The following STK4 variants were observed in gnomAD, a reference collection of about 807,000 sequenced individuals.
STK4 encodes the protein serine/threonine-protein kinase 4.
A neutral mutation model predicts 64.9 loss-of-function variants in STK4; 30 were observed. That is an observed-to-expected ratio of 0.46 (90% CI 0.35 to 0.63). The LOEUF (loss-of-function observed/expected upper bound fraction) is 0.63. STK4 is among the 20% of genes least tolerant of loss of function. STK4 has a pLI of 0.01. For missense variants in STK4, 466 were observed against 598.5 expected, an observed-to-expected ratio of 0.78 and a Z score of 2.31; for synonymous variants, 177 against 199.0, an observed-to-expected ratio of 0.89 and a Z score of 0.93.
At chr20:44,967,219 C>T (rs2067165916) in intron 1 of STK4, 1 of 985,338 alleles carries the variant, frequency 1.0e-6, no homozygotes, top group Non-Finnish European at 1.2e-6. Flanking sequence ...TGTTCAGTGT[C>T]TTCCTAATGG....
intron 5 of STK4, among the ~76,000 whole-genome samples, chr20:44,992,233 G>GT (rs930243790): frequency 4.0e-5 from 6 of 150,320 alleles, no homozygotes; most frequent in Non-Finnish European, 8.9e-5. Flanking sequence ...GTTAATCTAT[G>GT]TTTTTTTTAT....
At chr20:45,073,346 T>C (rs1163875869) in intron 10 of STK4, among the ~76,000 whole-genome samples, 2 of 152,006 alleles carry the variant, frequency 1.3e-5, no homozygotes, top group Non-Finnish European at 2.9e-5. Flanking sequence ...CGTCTTGAAC[T>C]ATTAGGGTTT....
chr20:45,000,681 T>C (rs2067822009), intron 8 of STK4, 161 bp downstream of exon 8: 1 of 1,032,836 alleles, frequency 9.7e-7, no homozygotes, highest in South Asian at 1.6e-5. Context: ...TAGAGGGTTG[T>C]TGTATCTGTG....
intron 10 of STK4, among the ~76,000 whole-genome samples, chr20:45,074,044 T>C (rs1046697948): frequency 6.6e-6 from 1 of 152,206 alleles, no homozygotes; most frequent in African/African-American, 2.4e-5. Flanking sequence ...CTAAAACCTG[T>C]GCTTTGCTAG....
At chr20:45,004,104 CT>C (rs1324016104) in intron 9 of STK4, among the ~76,000 whole-genome samples, 3 of 145,914 alleles carry the variant, frequency 2.1e-5, no homozygotes, top group African/African-American at 5.1e-5. Context: ...CCAGTTTTTT[CT>C]TTTTTTTTGA....
chr20:45,011,729 A>ATATATATATATATATATATATTTTT (rs60170856), intron 9 of STK4, among the ~76,000 whole-genome samples: 1 of 115,400 alleles, frequency 8.7e-6, no homozygotes, highest in African/African-American at 3.6e-5. Flanking sequence ...ATATATATAT[A>ATATATATATATATATATATATTTTT]TTTTTTTTTT....
At chr20:45,054,892 G>T (rs1978339100) in intron 10 of STK4, among the ~76,000 whole-genome samples, 1 of 152,090 alleles carries the variant, frequency 6.6e-6, no homozygotes, top group African/African-American at 2.4e-5. Flanking sequence ...CCCTGAATCT[G>T]CCCTCTCATT....
intron 9 of STK4, among the ~76,000 whole-genome samples, chr20:45,020,152 A>G (rs1437481557): frequency 6.6e-6 from 1 of 152,200 alleles, no homozygotes; most frequent in Non-Finnish European, 1.5e-5. Flanking sequence ...CTCACTTGTA[A>G]AAGGGGCATA....
chr20:44,985,079 AGCTTT>A (rs2067509131), intron 4 of STK4, among the ~76,000 whole-genome samples: 5 of 152,170 alleles, frequency 3.3e-5, no homozygotes, highest in African/African-American at 1.2e-4. Context: ...TCAAGTCATG[AGCTTT>A]GTTCTCTTCC....
chr20:45,025,876 T>C (rs571822413), intron 10 of STK4, among the ~76,000 whole-genome samples: 1 of 152,360 alleles, frequency 6.6e-6, no homozygotes, highest in South Asian at 2.1e-4. Context: ...TGAATTCTGG[T>C]AGGCCTGTCT....
intron 3 of STK4, among the ~76,000 whole-genome samples, chr20:44,980,082 A>T (rs2067410913): frequency 6.6e-6 from 1 of 152,148 alleles, no homozygotes; most frequent in Admixed American, 6.5e-5. Context: ...GAGTTTATAG[A>T]CTAATTGGAC....
At chr20:45,030,803 A>G (rs1013531343) in intron 10 of STK4, among the ~76,000 whole-genome samples, 2 of 152,220 alleles carry the variant, frequency 1.3e-5, no homozygotes, top group African/African-American at 4.8e-5. Flanking sequence ...GTGAGAATTC[A>G]GACCTTCCCA....
At chr20:45,005,667 A>AAC (rs1276164050) in intron 9 of STK4, among the ~76,000 whole-genome samples, 1 of 149,716 alleles carries the variant, frequency 6.7e-6, no homozygotes, top group African/African-American at 2.4e-5. Flanking sequence ...AAAAAAAAAA[A>AAC]CAAAACGTTA....
intron 9 of STK4, among the ~76,000 whole-genome samples, chr20:45,011,103 G>A (rs886580966): frequency 6.6e-6 from 1 of 152,106 alleles, no homozygotes; most frequent in African/African-American, 2.4e-5. Context: ...ATTTTGGAAG[G>A]CTTCTTCTAT....
At chr20:44,991,790 G>A (rs1272331447) in intron 5 of STK4, among the ~76,000 whole-genome samples, 1 of 151,992 alleles carries the variant, frequency 6.6e-6, no homozygotes, top group African/African-American at 2.4e-5. Context: ...GGCCTCTTGG[G>A]TAGCTGGGAC....
At chr20:45,036,349 G>A (rs1073256) in intron 10 of STK4, among the ~76,000 whole-genome samples, 18,924 of 152,076 alleles carry the variant, frequency 0.12, 1,547 homozygotes, top group East Asian at 0.22. Context: ...GCATCATCCC[G>A]CCTGGGACAT....
intron 5 of STK4, among the ~76,000 whole-genome samples, chr20:44,993,264 A>G (rs2067668406): frequency 6.6e-6 from 1 of 151,488 alleles, no homozygotes; most frequent in Non-Finnish European, 1.5e-5. Context: ...ACACACACAC[A>G]TACATATACA....
chr20:44,993,130 G>T (rs922791343), intron 5 of STK4, among the ~76,000 whole-genome samples: 2 of 151,450 alleles, frequency 1.3e-5, no homozygotes, highest in South Asian at 4.2e-4. Context: ...TAGATTCCCA[G>T]TGCTTTTTTT....
chr20:45,046,512 G>A (rs2068697858), intron 10 of STK4, among the ~76,000 whole-genome samples: 1 of 151,078 alleles, frequency 6.6e-6, no homozygotes, highest in African/African-American at 2.4e-5. Flanking sequence ...AATCTTAATG[G>A]ATACAGGAAA....
Sources: gnomAD v4.1 joint callset for allele counts (sites outside exome capture counted in the v4.1 genomes callset) on GRCh38, gnomAD v4.1.1 for gene constraint, MANE v1.5 for transcripts, NCBI Gene and HGNC (gene_info 2026-07-23, HGNC 2026-07-21) for gene names.